Variants in SNX2 observed in about 807,000 individuals in gnomAD.
SNX2 encodes sorting nexin-2.
Under a neutral mutation model 69.9 loss-of-function variants are expected in SNX2, and 25 were observed. The observed-to-expected ratio is 0.36, with a 90% CI of 0.26 to 0.50. The LOEUF (loss-of-function observed/expected upper bound fraction) is 0.50, where lower values mean the gene tolerates loss of function less well. Ranked by LOEUF, SNX2 falls within the 20% of genes least tolerant of loss-of-function variation. SNX2 has a pLI of 0.97. For missense variants in SNX2, 551 were observed against 613.3 expected (o/e 0.90, Z 1.07); for synonymous variants, 229 against 200.4 (o/e 1.14, Z -1.20).
chr5:122,802,092 A>G lies in SNX2; in HGVS notation c.469A>G (p.Asn157Asp). ...GACTTTTTTTGCAGGTGATGGCATG[A>G]ATGCCTATATGGCATATAGAGTAAC... Reference protein sequence around the residue: ...SDPEKVGDGMNAYMAYRVTTK... With the variant: ...SDPEKVGDGMDAYMAYRVTTK... Residue 157 changes from asparagine to aspartate, a missense_variant, in exon 5 of 15, where the codon AAT becomes GAT. Coordinates refer to ENST00000379516, the MANE Select transcript of SNX2 (RefSeq NM_003100.4). The G allele has an allele frequency of 6.2e-7, 1 of 1,613,676 alleles. No individual in the cohort carries two copies. The highest frequency in any genetic ancestry group is 1.3e-5 in the African/African-American group (1 of 75,044).
At chr5:122,775,603 C>T in intron 1 of SNX2, 1 of 990,538 alleles carries the variant, frequency 1.0e-6, no homozygotes, top group Non-Finnish European at 1.2e-6. Flanking sequence ...CTTTTCCTTT[C>T]CAGAGGGAGG....
intron 12 of SNX2, 85 bp from the exon 13 acceptor site, chr5:122,827,294 C>A: frequency 1.9e-6 from 2 of 1,078,408 alleles, no homozygotes; most frequent in Non-Finnish European, 2.7e-6. Flanking sequence ...GATTTTCAGG[C>A]ATTGTGATTA....
At chr5:122,801,652 C>T (rs866807242) in intron 3 of SNX2, among the ~76,000 whole-genome samples, 6 of 132,120 alleles carry the variant, frequency 4.5e-5, no homozygotes, top group African/African-American at 1.2e-4. Flanking sequence ...TGGTCTTTTT[C>T]GTGTGTGTGT....
intron 10 of SNX2, 139 bp downstream of exon 10, chr5:122,817,512 A>G (rs947451919): frequency 1.7e-6 from 1 of 576,518 alleles, no homozygotes; most frequent in Non-Finnish European, 2.8e-6. Flanking sequence ...TTCTAGTTCA[A>G]CTTTATTATG....
At chr5:122,793,339 ATAGTAACAT>A (rs1183257330) in intron 1 of SNX2, among the ~76,000 whole-genome samples, 3 of 152,356 alleles carry the variant, frequency 2.0e-5, no homozygotes, top group Middle Eastern at 3.4e-3. Flanking sequence ...TCTTACATAC[ATAGTAACAT>A]TAGGGCCAAA....
chr5:122,794,501 C>T (rs1753331251), intron 1 of SNX2, among the ~76,000 whole-genome samples: 1 of 152,156 alleles, frequency 6.6e-6, no homozygotes, highest in Non-Finnish European at 1.5e-5. Flanking sequence ...AACATGTTTT[C>T]AGGATCTGTT....
At chr5:122,806,324 G>A (rs1337676694) in intron 6 of SNX2, among the ~76,000 whole-genome samples, 2 of 152,054 alleles carry the variant, frequency 1.3e-5, no homozygotes, top group Non-Finnish European at 1.5e-5. Context: ...AATTATTAAA[G>A]GTGGGTGACA....
intron 1 of SNX2, among the ~76,000 whole-genome samples, chr5:122,790,950 G>T (rs191115429): frequency 2.0e-5 from 3 of 152,180 alleles, no homozygotes; most frequent in Admixed American, 2.0e-4. Flanking sequence ...GATCTTACTG[G>T]GGAAGCTTCA....
chr5:122,806,099 T>TGTGTGTGTGC (rs1468155849), intron 6 of SNX2, among the ~76,000 whole-genome samples: 1 of 116,048 alleles, frequency 8.6e-6, no homozygotes, highest in Admixed American at 9.3e-5. Context: ...CTTTTATGTG[T>TGTGTGTGTGC]GTGTGTGTGT....
chr5:122,808,687 A>G (rs1753705163), intron 7 of SNX2: 1 of 164,492 alleles, frequency 6.1e-6, no homozygotes, highest in South Asian at 1.9e-4. Flanking sequence ...GTAGTCACCA[A>G]GAGTTACTAA....
intron 6 of SNX2, among the ~76,000 whole-genome samples, chr5:122,806,851 T>G (rs1215641767): frequency 6.6e-6 from 1 of 152,168 alleles, no homozygotes; most frequent in Non-Finnish European, 1.5e-5. Context: ...GAATTTTAAA[T>G]AAAACATTAA....
intron 1 of SNX2, among the ~76,000 whole-genome samples, chr5:122,790,141 AAG>A (rs1209799001): frequency 6.6e-6 from 1 of 151,700 alleles, no homozygotes; most frequent in Non-Finnish European, 1.5e-5. Flanking sequence ...CTTTTTCTCA[AAG>A]AGTCTTACTC....
In SNX2 at chr5:122,827,396, A is replaced by G; in HGVS notation, c.1374A>G (p.Gln458=). The G allele has an allele frequency of 1.2e-6, 2 of 1,613,462 alleles. No individual in the cohort carries two copies. The highest frequency in any genetic ancestry group is 1.7e-6 in the Non-Finnish European group (2 of 1,179,584). The change falls in exon 13 of 15, where the codon CAA becomes CAG. Residue 458 remains glutamine (Q), a synonymous_variant. Transcript: ENST00000379516. ...TTTATTAGTGGGAGGCGAAAGTGCA[A>G]CAAGGGGAAAGAGATTTTGAACAGA... ...NEIREWEAKV[Q]QGERDFEQIS... is the part of the protein sequence containing the mutation.
At chr5:122,813,634 T>C (rs1030481089) in intron 7 of SNX2, among the ~76,000 whole-genome samples, 8 of 152,136 alleles carry the variant, frequency 5.3e-5, no homozygotes, top group African/African-American at 1.9e-4. Context: ...TCAAACTTTC[T>C]TGATATGGAA....
intron 7 of SNX2, among the ~76,000 whole-genome samples, chr5:122,813,177 AC>A (rs1753819682): frequency 1.3e-5 from 2 of 152,126 alleles, no homozygotes; most frequent in East Asian, 1.9e-4. Flanking sequence ...CCTTTGTATT[AC>A]AACCATCTCT....
At chr5:122,784,769 C>G (rs1213447873) in intron 1 of SNX2, among the ~76,000 whole-genome samples, 1 of 151,970 alleles carries the variant, frequency 6.6e-6, no homozygotes, top group African/African-American at 2.4e-5. Context: ...GCGAGTGTTT[C>G]CTCTTATTTC....
rs1426903208 is a variant in SNX2, at chr5:122,816,882, G to C, written c.799-33G>C. 2.9e-6 allele frequency: 4 copies of C among 1,385,330 alleles called. No individual in the cohort carries two copies. In the South Asian group the frequency reaches 3.6e-5, roughly 12 times the overall value. The allele number at this position is 1,385,330 out of a possible 1,614,324, so 85.8% of individuals were successfully genotyped here. On this transcript the variant is annotated intron_variant, in intron 8 of 14. Transcript: ENST00000379516. ...AGTTAAACCTCCAGGCTTTTAACCGGTTTGTTTGCCCTTATTTGTCATTCA... is the reference window on the plus strand; with the variant it reads ...AGTTAAACCTCCAGGCTTTTAACCGCTTTGTTTGCCCTTATTTGTCATTCA...
At chr5:122,816,509 C>A (rs1753903101) in intron 8 of SNX2, among the ~76,000 whole-genome samples, 1 of 151,992 alleles carries the variant, frequency 6.6e-6, no homozygotes, top group South Asian at 2.1e-4. Context: ...TTAAAAAACT[C>A]AAAATTACAC....
chr5:122,818,796 C>G (rs1753955146), intron 10 of SNX2, 22 bp from the exon 11 acceptor site: 1 of 1,598,182 alleles, frequency 6.3e-7, no homozygotes, highest in South Asian at 1.1e-5. Context: ...ACTAAAATTG[C>G]ATACTTTTTT....
Sources: gnomAD v4.1 joint callset for allele counts (sites outside exome capture counted in the v4.1 genomes callset) on GRCh38, gnomAD v4.1.1 for gene constraint, MANE v1.5 for transcripts, NCBI Gene and HGNC (gene_info 2026-07-23, HGNC 2026-07-21) for gene names.